The following PIP4K2C variants were observed in gnomAD, a reference collection of about 807,000 sequenced individuals.
The protein encoded by PIP4K2C is phosphatidylinositol-5-phosphate 4-kinase type 2 gamma.
In PIP4K2C, 21 loss-of-function variants were observed where a neutral mutation model predicts 45.0. The observed-to-expected ratio is 0.47, with a 90% confidence interval of 0.33 to 0.67. The LOEUF (loss-of-function observed/expected upper bound fraction) is 0.67. PIP4K2C is among the 30% of genes least tolerant of loss of function. The probability of loss-of-function intolerance (pLI) is 0.02; values close to 1 mark genes in which losing one functional copy is unlikely to be tolerated. For synonymous variants in PIP4K2C, 201 were observed against 204.8 expected, an observed-to-expected ratio of 0.98 and a Z score of 0.16; for missense variants, 456 against 542.8, an observed-to-expected ratio of 0.84 and a Z score of 1.59.
intron 3 of PIP4K2C, 36 bp downstream of exon 3, chr12:57,595,258 TC>T: frequency 7.4e-7 from 1 of 1,358,894 alleles, no homozygotes; most frequent in Non-Finnish European, 1.1e-6. Flanking sequence ...TAGCCCTTTC[TC>T]CCCAGCAACT....
chr12:57,595,658 G>A (rs1015787255), intron 3 of PIP4K2C, among the ~76,000 whole-genome samples: 3 of 146,964 alleles, frequency 2.0e-5, no homozygotes, highest in East Asian at 2.0e-4. Context: ...AGCTGAGATC[G>A]TACCACTACA....
In PIP4K2C at chr12:57,594,091, A is replaced by G. The variant is rs557920023; in HGVS notation, c.241A>G (p.Lys81Glu). Residue 81 changes from lysine to glutamate, a missense_variant, in exon 2 of 10, where the codon AAG becomes GAG. This residue lies in a region of PIP4K2C where 421 missense variants were observed against 473.1 expected (regional missense o/e 0.89). Coordinates refer to ENST00000354947, the MANE Select transcript of PIP4K2C (RefSeq NM_024779.5). ...LLPDDFKASS[K>E]IKVNNHLFHR... Reference sequence around the variant, plus strand: ...GCCAGATGACTTTAAGGCCAGCTCCAAGATCAAGGTCAACAATCACCTTTT... The same window carrying G: ...GCCAGATGACTTTAAGGCCAGCTCCGAGATCAAGGTCAACAATCACCTTTT... 6.2e-7 allele frequency: 1 copy of G among 1,614,076 alleles called. No individual in the cohort carries two copies. Among genetic ancestry groups the G allele is most frequent in the Non-Finnish European group, 8.5e-7 (1 of 1,179,978 alleles).
chr12:57,595,068 C>A, intron 2 of PIP4K2C, 58 bp from the exon 3 acceptor site: 2 of 1,089,082 alleles, frequency 1.8e-6, no homozygotes, highest in Non-Finnish European at 1.4e-6. Context: ...TTATAAACTA[C>A]CAAGTGTATG....
chr12:57,594,163 G>A, intron 2 of PIP4K2C, 41 bp downstream of exon 2: 1 of 1,470,582 alleles, frequency 6.8e-7, no homozygotes, highest in Non-Finnish European at 9.3e-7. Context: ...AACCTTCCCA[G>A]AAAGGAGTAA....
At position 57,602,370 on chromosome 12, in the gene PIP4K2C, G is replaced by C. The variant is rs1366832191; in HGVS notation, c.*764G>C. 1 of 152,220 alleles carries C rather than the reference G, an allele frequency of 6.6e-6. No individual in the cohort carries two copies. Among genetic ancestry groups the C allele is most frequent in the Non-Finnish European group, 1.5e-5 (1 of 68,068 alleles). The allele number at this position is 152,220 out of a possible 1,614,324, so 9.4% of individuals were successfully genotyped here. ...AGATGGCCAAAAGCATTCAAGCCTG[G>C]GGGAAGATGTTTGACTATTGCTGCT... On this transcript the variant is annotated 3_prime_UTR_variant, in exon 10 of 10. Coordinates refer to ENST00000354947, the MANE Select transcript of PIP4K2C (RefSeq NM_024779.5).
rs574505185 is a variant in PIP4K2C, at chr12:57,595,074, G to A, written c.273-52G>A. ...GAAGGTACTTTATAAACTACCAAGTGTATGTAAATGTAATATTGTTTGTTT... is the reference window on the plus strand; with the variant it reads ...GAAGGTACTTTATAAACTACCAAGTATATGTAAATGTAATATTGTTTGTTT... On this transcript the variant is annotated intron_variant, in intron 2 of 9. Coordinates refer to ENST00000354947, the MANE Select transcript of PIP4K2C (RefSeq NM_024779.5). The A allele has an allele frequency of 8.9e-6, 10 of 1,124,074 alleles. No homozygotes were observed. In the East Asian group the frequency reaches 1.4e-4, roughly 16 times the overall value. 69.6% of individuals were successfully genotyped at this position (1,124,074 alleles called of 1,614,324 possible).
intron 4 of PIP4K2C, among the ~76,000 whole-genome samples, chr12:57,596,301 C>T (rs932501096): frequency 6.6e-6 from 1 of 152,052 alleles, no homozygotes; most frequent in Non-Finnish European, 1.5e-5. Context: ...GTCTGACCAA[C>T]ATGGAGAAAC....
In PIP4K2C at chr12:57,595,973, A is replaced by G. The variant is rs1883176194; in HGVS notation, c.455A>G (p.Lys152Arg). 6.2e-7 allele frequency: 1 copy of G among 1,614,026 alleles called. No homozygotes were observed. Among genetic ancestry groups the G allele is most frequent in the Middle Eastern group, 1.7e-4 (1 of 6,060 alleles). Residue 152 changes from lysine (K) to arginine (R), a missense_variant, in exon 4 of 10, where the codon AAA becomes AGA. Transcript: ENST00000354947. ...TCCTACGATCGGACTCTGGTCATCA[A>G]AGAAGTATCCAGTGAGGACATTGCT... ...LISYDRTLVIKEVSSEDIADM... is the reference protein window; with the variant it reads ...LISYDRTLVIREVSSEDIADM...
intron 1 of PIP4K2C, among the ~76,000 whole-genome samples, chr12:57,593,426 C>G (rs1056780595): frequency 1.4e-5 from 2 of 146,862 alleles, no homozygotes; most frequent in African/African-American, 2.5e-5. Flanking sequence ...TGCCTGCATT[C>G]GCTCTGAAAT....
chr12:57,595,261 C>T, intron 3 of PIP4K2C, 39 bp downstream of exon 3: 9 of 1,282,388 alleles, frequency 7.0e-6, no homozygotes, highest in Non-Finnish European at 1.0e-5. Flanking sequence ...CCCTTTCTCC[C>T]CAGCAACTGA....
At chr12:57,592,072 T>C (rs1207838389) in intron 1 of PIP4K2C, among the ~76,000 whole-genome samples, 4 of 152,142 alleles carry the variant, frequency 2.6e-5, no homozygotes, top group East Asian at 1.9e-4. Context: ...TCAGGACTTA[T>C]GTATATATGC....
intron 4 of PIP4K2C, among the ~76,000 whole-genome samples, chr12:57,598,524 CAAAA>C (rs57982410): frequency 2.6e-5 from 2 of 75,690 alleles, no homozygotes; most frequent in Non-Finnish European, 2.7e-5. Context: ...ACTCCATCTC[CAAAA>C]AAAAAAAAAA....
chr12:57,593,737 C>T (rs1214793575), intron 1 of PIP4K2C, among the ~76,000 whole-genome samples: 2 of 108,408 alleles, frequency 1.8e-5, no homozygotes, highest in African/African-American at 3.6e-5. Flanking sequence ...TAAAAATAGT[C>T]CTGAGTTGCT....
At chr12:57,592,036 C>G (rs888518097) in intron 1 of PIP4K2C, among the ~76,000 whole-genome samples, 2 of 152,152 alleles carry the variant, frequency 1.3e-5, no homozygotes, top group African/African-American at 4.8e-5. Context: ...GAAGCTACCC[C>G]ACCCTGAGCT....
In PIP4K2C at chr12:57,601,241, C is replaced by A; in HGVS notation, c.1082-4C>A. The A allele has an allele frequency of 3.1e-6, 5 of 1,610,462 alleles. No individual in the cohort carries two copies. Among genetic ancestry groups the A allele is most frequent in the Non-Finnish European group, 4.2e-6 (5 of 1,177,582 alleles). Reference sequence around the variant, plus strand: ...CTACTCTGAATTGTTGGTCTCTCTCCCAGGAGCCCCCCAGAAGGAGGTCTA... The same window carrying A: ...CTACTCTGAATTGTTGGTCTCTCTCACAGGAGCCCCCCAGAAGGAGGTCTA... On this transcript the variant is annotated splice_polypyrimidine_tract_variant and splice_region_variant and intron_variant, in intron 8 of 9. Coordinates refer to ENST00000354947, the MANE Select transcript of PIP4K2C (RefSeq NM_024779.5).
At chr12:57,591,548 G>A (rs1005391031) in intron 1 of PIP4K2C, 85 bp downstream of exon 1, 15 of 1,439,120 alleles carry the variant, frequency 1.0e-5, no homozygotes, top group Non-Finnish European at 1.3e-5. Flanking sequence ...AGCCTCCGGA[G>A]CCCCACGCAG....
chr12:57,593,943 A>G (rs891359460), intron 1 of PIP4K2C, 82 bp from the exon 2 acceptor site: 6 of 992,034 alleles, frequency 6.0e-6, no homozygotes, highest in African/African-American at 3.2e-5. Context: ...TGGCCCTTGC[A>G]TGACTGCTGC....
Position 57,591,344 on chromosome 12 carries a change from G to A in PIP4K2C, c.55G>A (p.Gly19Ser), listed in dbSNP as rs1882944382. Residue 19 changes from glycine to serine, a missense_variant, in exon 1 of 10, where the codon GGC becomes AGC. This residue lies in a region of PIP4K2C where 421 missense variants were observed against 473.1 expected (regional missense o/e 0.89). Transcript: ENST00000354947. ...GGTATCGGCGGCGACAGCAGGCCCC[G>A]GCCCAGGTTTCGGCTTCGCCTCCAA... ...ATVSAATAGP[G>S]PGFGFASKTK... The A allele has an allele frequency of 6.2e-6, 10 of 1,613,348 alleles. No homozygotes were observed. The highest frequency in any genetic ancestry group is 8.5e-6 in the Non-Finnish European group (10 of 1,179,828).
chr12:57,596,268 C>T (rs1883190069), intron 4 of PIP4K2C, among the ~76,000 whole-genome samples: 1 of 152,018 alleles, frequency 6.6e-6, no homozygotes, highest in African/African-American at 2.4e-5. Context: ...GGAGGATCAC[C>T]TGAGGTCGGG....
Sources: allele counts gnomAD v4.1 joint callset (sites outside exome capture counted in the v4.1 genomes callset), GRCh38; gene constraint gnomAD v4.1.1; regional missense constraint gnomAD v4.1.1; transcripts MANE v1.5; gene names NCBI Gene and HGNC (gene_info 2026-07-23, HGNC 2026-07-21).